MYO7B: variants seen among roughly 807,000 people sequenced by gnomAD.
The protein encoded by MYO7B is myosin VIIB.
Under a neutral mutation model 259.7 loss-of-function variants are expected in MYO7B, and 212 were observed. The ratio of observed to expected loss-of-function variants is 0.82; its 90% CI spans 0.73 to 0.91. The LOEUF (loss-of-function observed/expected upper bound fraction) is 0.91. Among genes scored for constraint, MYO7B ranks in the 40% least tolerant of loss-of-function variants. The pLI, the probability that MYO7B is intolerant of heterozygous loss-of-function variation, is 0.00. For missense variants in MYO7B, 2,732 were observed against 2,813.5 expected (o/e 0.97, Z 0.66); for synonymous variants, 1,197 against 1,166.4 (o/e 1.03, Z -0.54).
chr2:127,537,491 G>GGGA (rs1692829873), intron 1 of MYO7B, among the ~76,000 whole-genome samples: 1 of 152,194 alleles, frequency 6.6e-6, no homozygotes, highest in African/African-American at 2.4e-5. Context: ...AAGCTGTTCA[G>GGGA]GGAGGAAGAG....
At chr2:127,575,514 A>G (rs1045601459) in intron 7 of MYO7B, among the ~76,000 whole-genome samples, 4 of 152,108 alleles carry the variant, frequency 2.6e-5, no homozygotes, top group Admixed American at 1.3e-4. Context: ...TCACCAAGAG[A>G]TATGTTTAGG....
intron 7 of MYO7B, among the ~76,000 whole-genome samples, chr2:127,574,510 A>G (rs1036323286): frequency 6.6e-6 from 1 of 152,264 alleles, no homozygotes; most frequent in Non-Finnish European, 1.5e-5. Context: ...ACTGCACTCC[A>G]GCCTGGGCAA....
rs963810956 is a variant in MYO7B at position 127,628,601 on chromosome 2, AG to A, written c.4624+68del. The A allele has an allele frequency of 7.1e-7, 1 of 1,406,998 alleles. No homozygotes were observed. The highest frequency in any genetic ancestry group is 1.4e-5 in the African/African-American group (1 of 70,844). The allele number at this position is 1,406,998 out of a possible 1,614,324, so 87.2% of individuals were successfully genotyped here. On this transcript the variant is annotated intron_variant, in intron 34 of 47. Coordinates refer to ENST00000409816, the MANE Select transcript of MYO7B (RefSeq NM_001393586.1). The surrounding 1 kb of genome is among the most constrained non-coding windows in gnomAD (Gnocchi z 4.8). ...GGGGAGGGCCGCGCATGGGGTCTGT[AG>A]GTAGGTGGCATGCTCATCTCCACAC...
At chr2:127,578,311 C>T (rs1444263818) in intron 9 of MYO7B, 25 bp downstream of exon 9, 1 of 1,612,910 alleles carries the variant, frequency 6.2e-7, no homozygotes. Context: ...GCCCCAACTG[C>T]ACCCTTGGGG....
In MYO7B at chr2:127,627,411, G is replaced by C; in HGVS notation, c.4460+101G>C. The C allele has an allele frequency of 1.3e-6, 2 of 1,491,558 alleles. No homozygotes were observed. Among genetic ancestry groups the C allele is most frequent in the Non-Finnish European group, 1.8e-6 (2 of 1,093,854 alleles). 92.4% of individuals were successfully genotyped at this position (1,491,558 alleles called of 1,614,324 possible). On this transcript the variant is annotated intron_variant, in intron 33 of 47. Coordinates refer to ENST00000409816, the MANE Select transcript of MYO7B (RefSeq NM_001393586.1). This position sits in a 1 kb window ranked among gnomAD's most constrained non-coding sequence, Gnocchi z 5.6. ...GGAGAGGGGCAGTGTGCCGTCCCGG[G>C]TAACAGGCCGGGGTGGAGGGACAAG...
rs543653276 is a variant in MYO7B, at chr2:127,579,118, C to T, written c.1003+832C>T. On this transcript the variant is annotated intron_variant, in intron 9 of 47. Transcript: ENST00000409816. The stretch of plus-strand genomic sequence containing the variant: ...GAAAGTCAGGAGAAACTGAGTACAG[C>T]ATGGAGAGAGGAATGGCGGGAGATG... 2.6e-5 allele frequency among the ~76,000 whole-genome samples: 4 copies of T among 151,956 alleles called. No individual in the cohort carries two copies. The East Asian group carries it at 7.7e-4, about 29-fold the overall frequency.
At position 127,637,111 on chromosome 2, in the gene MYO7B, T is replaced by A. The variant is rs73953670; in HGVS notation, c.6327+198T>A. On this transcript the variant is annotated intron_variant, in intron 47 of 47. Transcript: ENST00000409816. ...GGTGGCAAGGCCAGGCGGGACCCCC[T>A]GCGCCCTTGGCCCATTCCAAGGAGG... 646 of 1,066,076 alleles carry A rather than the reference T, an allele frequency of 6.1e-4. 1 individual carries two copies. The African/African-American group carries it at 8.2e-3, about 14-fold the overall frequency. 66.0% of individuals were successfully genotyped at this position (1,066,076 alleles called of 1,614,324 possible). A position where few individuals can be genotyped will look rare whatever the true frequency, so the allele number is the denominator to read the frequency against.
rs545387044 is a variant in MYO7B at position 127,585,168 on chromosome 2, A to G, written c.1690+255A>G. Among the ~76,000 whole-genome samples the G allele has an allele frequency of 1.3e-5, 2 of 152,280 alleles. No homozygotes were observed. Among genetic ancestry groups the G allele is most frequent in the South Asian group, 4.1e-4 (2 of 4,822 alleles). On this transcript the variant is annotated intron_variant, in intron 14 of 47. Transcript: ENST00000409816. The surrounding 1 kb of genome is among the most constrained non-coding windows in gnomAD (Gnocchi z 4.3). Reference sequence around the variant, plus strand: ...ATTTTAAGTGTACGACTTGACTGTAATATATTCAGAGTATATTAATGATTG... The same window carrying G: ...ATTTTAAGTGTACGACTTGACTGTAGTATATTCAGAGTATATTAATGATTG...
At position 127,597,343 on chromosome 2, in the gene MYO7B, G is replaced by A. The variant is rs1679808795; in HGVS notation, c.2339+787G>A. Among the ~76,000 whole-genome samples, 1 of 152,220 alleles carries A rather than the reference G, an allele frequency of 6.6e-6. No individual in the cohort carries two copies. Among genetic ancestry groups the A allele is most frequent in the Admixed American group, 6.5e-5 (1 of 15,278 alleles). On this transcript the variant is annotated intron_variant, in intron 19 of 47. Transcript: ENST00000409816. This position sits in a 1 kb window ranked among gnomAD's most constrained non-coding sequence, Gnocchi z 4.8. ...ACATGCAGTTGTAAGAAACAATACAGAGATATTGCCATAATCTTCACCCAT... is the reference window on the plus strand; with the variant it reads ...ACATGCAGTTGTAAGAAACAATACAAAGATATTGCCATAATCTTCACCCAT...
chr2:127,597,787 G>A lies in MYO7B; in HGVS notation c.2339+1231G>A, dbSNP rs979143741. On this transcript the variant is annotated intron_variant, in intron 19 of 47. Coordinates refer to ENST00000409816, the MANE Select transcript of MYO7B (RefSeq NM_001393586.1). This position sits in a 1 kb window ranked among gnomAD's most constrained non-coding sequence, Gnocchi z 4.8. ...GTAGCTGGTACTACTACAGGCGCCC[G>A]CCACCATGCCTGGCTAATTATTGTA... 2.6e-5 allele frequency among the ~76,000 whole-genome samples: 4 copies of A among 152,006 alleles called. No individual in the cohort carries two copies. In the East Asian group the frequency reaches 5.8e-4, roughly 22 times the overall value.
chr2:127,584,342 C>T lies in MYO7B; in HGVS notation c.1554+10C>T, dbSNP rs761284863. 8.1e-6 allele frequency: 13 copies of T among 1,613,266 alleles called. No individual in the cohort carries two copies. Among genetic ancestry groups the T allele is most frequent in the South Asian group, 6.6e-5 (6 of 91,022 alleles). ...AAGCCGCTTCCCGCAGGTGTGTGTT[C>T]GGGCCTGCCGACCTTCTGGTGGAGG... On this transcript the variant is annotated intron_variant, in intron 13 of 47. Coordinates refer to ENST00000409816, the MANE Select transcript of MYO7B (RefSeq NM_001393586.1). This position sits in a 1 kb window ranked among gnomAD's most constrained non-coding sequence, Gnocchi z 5.8.
intron 41 of MYO7B, 84 bp from the exon 42 acceptor site, chr2:127,634,512 G>C: frequency 8.0e-7 from 1 of 1,255,648 alleles, no homozygotes; most frequent in African/African-American, 1.5e-5. Flanking sequence ...GGCCGTAGGC[G>C]GCCACTGGAC....
chr2:127,634,503 G>A, intron 41 of MYO7B, 93 bp from the exon 42 acceptor site: 1 of 1,178,094 alleles, frequency 8.5e-7, no homozygotes, highest in Non-Finnish European at 1.2e-6. Context: ...CAGCACCCAG[G>A]CCGTAGGCGG....
rs748812090 is a variant in MYO7B at position 127,573,943 on chromosome 2, C to T, written c.616C>T (p.Arg206Cys). Residue 206 changes from arginine to cysteine, a missense_variant, in exon 7 of 48, where the codon CGC becomes TGC. Transcript: ENST00000409816. ...AGCCTTTGGAAATGCCAAGACAATC[C>T]GCAACGACAACTCAAGCCGCTTTGG... ...LEAFGNAKTI[R>C]NDNSSRFGKY... 74 of 1,614,062 alleles carry T rather than the reference C, an allele frequency of 4.6e-5. No homozygotes were observed. The East Asian group carries it at 5.3e-4, about 12-fold the overall frequency.
At position 127,578,122 on chromosome 2, in the gene MYO7B, C is replaced by T. The variant is rs1429360564; in HGVS notation, c.850-11C>T. 2 of 1,613,348 alleles carry T rather than the reference C, an allele frequency of 1.2e-6. No homozygotes were observed. The highest frequency in any genetic ancestry group is 1.3e-5 in the African/African-American group (1 of 75,028). ...GGATGGCCCCATTCACTGAGGCACCCTGTCCCTCAGGGGAACTGCACTTCC... is the reference window on the plus strand; with the variant it reads ...GGATGGCCCCATTCACTGAGGCACCTTGTCCCTCAGGGGAACTGCACTTCC... On this transcript the variant is annotated splice_polypyrimidine_tract_variant and intron_variant, in intron 8 of 47. Coordinates refer to ENST00000409816, the MANE Select transcript of MYO7B (RefSeq NM_001393586.1).
At chr2:127,549,909 C>A (rs1238941040) in intron 1 of MYO7B, among the ~76,000 whole-genome samples, 1 of 152,116 alleles carries the variant, frequency 6.6e-6, no homozygotes, top group African/African-American at 2.4e-5. Flanking sequence ...AATCAAACTG[C>A]AAAAAGGCAG....
In MYO7B at chr2:127,634,596, G is replaced by C. The variant is rs766210141; in HGVS notation, c.5626G>C (p.Val1876Leu). ...TTCCCTGTACCTTCCCCTTCCCCAG[G>C]TCATCAGCCAGAAGGAGGGAGACTT... ...CSLFIKISDK[V>L]ISQKEGDFFF... is the part of the protein sequence containing the mutation. Residue 1876 changes from valine to leucine, a missense_variant and splice_region_variant, in exon 42 of 48, where the codon GTC becomes CTC. Transcript: ENST00000409816. 6.2e-7 allele frequency: 1 copy of C among 1,610,984 alleles called. No individual in the cohort carries two copies. The highest frequency in any genetic ancestry group is 1.7e-5 in the Admixed American group (1 of 59,592).
At chr2:127,578,497 C>A (rs1043583086) in intron 9 of MYO7B, among the ~76,000 whole-genome samples, 1 of 152,236 alleles carries the variant, frequency 6.6e-6, no homozygotes, top group African/African-American at 2.4e-5. Context: ...AGGTGGAGAC[C>A]GGCCAATCAT....
intron 6 of MYO7B, among the ~76,000 whole-genome samples, chr2:127,571,528 T>A (rs1678627907): frequency 6.6e-6 from 1 of 150,890 alleles, no homozygotes; most frequent in Non-Finnish European, 1.5e-5. Context: ...TTGCCCAGGC[T>A]GGAGCACAAT....
Sources: allele counts gnomAD v4.1 joint callset (sites outside exome capture counted in the v4.1 genomes callset), GRCh38; gene constraint gnomAD v4.1.1; non-coding constraint Gnocchi (gnomAD v3.1); transcripts MANE v1.5; gene names NCBI Gene and HGNC (gene_info 2026-07-23, HGNC 2026-07-21).